The following SVOPL variants were observed in gnomAD, a reference collection of about 807,000 sequenced individuals.
SVOPL encodes SVOP like, also known as putative transporter SVOPL.
In SVOPL, 60 loss-of-function variants were observed where a neutral mutation model predicts 61.0. That is an observed-to-expected ratio of 0.98 (90% CI 0.80 to 1.22). SVOPL has a LOEUF of 1.22. Ranked by LOEUF, SVOPL falls within the 50% of genes most tolerant of loss-of-function variation. The probability of loss-of-function intolerance (pLI) is 0.00; values close to 1 mark genes in which losing one functional copy is unlikely to be tolerated. For synonymous variants in SVOPL, 279 were observed against 250.0 expected, an observed-to-expected ratio of 1.12 and a Z score of -1.09; for missense variants, 662 against 643.9, an observed-to-expected ratio of 1.03 and a Z score of -0.30.
intron 15 of SVOPL, among the ~76,000 whole-genome samples, chr7:138,596,007 G>T (rs913637635): frequency 6.6e-6 from 1 of 151,964 alleles, no homozygotes; most frequent in Admixed American, 6.6e-5. Context: ...GGCCAACATG[G>T]TGAAACCTCG....
chr7:138,674,577 C>G (rs1173319565), intron 3 of SVOPL, among the ~76,000 whole-genome samples: 1 of 151,940 alleles, frequency 6.6e-6, no homozygotes, highest in Non-Finnish European at 1.5e-5. Context: ...ACACTTGAGG[C>G]TGGGTGCGGT....
At chr7:138,654,921 T>C (rs891868403) in intron 7 of SVOPL, among the ~76,000 whole-genome samples, 1 of 150,218 alleles carries the variant, frequency 6.7e-6, no homozygotes, top group South Asian at 2.1e-4. Context: ...CTGGGTACAG[T>C]GGCTCATGCC....
At chr7:138,664,259 CCCT>C (rs1584854505) in intron 4 of SVOPL, 1 of 984,178 alleles carries the variant, frequency 1.0e-6, no homozygotes, top group East Asian at 1.2e-4. Context: ...GCGCGCCTAA[CCCT>C]CCAGCGTCCT....
intron 4 of SVOPL, among the ~76,000 whole-genome samples, chr7:138,663,983 C>A (rs1044436868): frequency 1.3e-5 from 2 of 152,080 alleles, no homozygotes; most frequent in Non-Finnish European, 2.9e-5. Flanking sequence ...ATGAAAAATT[C>A]ATCATATATA....
intron 4 of SVOPL, among the ~76,000 whole-genome samples, chr7:138,666,279 T>A (rs1224612828): frequency 6.6e-6 from 1 of 152,250 alleles, no homozygotes; most frequent in Non-Finnish European, 1.5e-5. Flanking sequence ...ATAAACTCAT[T>A]TCTCTGGAGA....
intron 10 of SVOPL, among the ~76,000 whole-genome samples, chr7:138,629,539 G>T (rs1163930376): frequency 6.6e-6 from 1 of 152,088 alleles, no homozygotes; most frequent in Non-Finnish European, 1.5e-5. Context: ...ACCGTACCCG[G>T]CCTTCTTCAT....
In SVOPL at chr7:138,662,101, T is replaced by A. The variant is rs541616231; in HGVS notation, c.345+973A>T. The A allele has an allele frequency of 4.1e-6, 4 of 985,410 alleles. No homozygotes were observed. The East Asian group carries it at 4.5e-4, about 112-fold the overall frequency. 61.0% of individuals were successfully genotyped at this position (985,410 alleles called of 1,614,324 possible). On this transcript the variant is annotated intron_variant, in intron 5 of 15. Transcript: ENST00000674285. ...CAGTTTGGGTGGCTTCTTTATAAAC[T>A]CTCTCATTTAAGAGCATGGGCTTCC... is the stretch of plus-strand genomic sequence containing the variant.
chr7:138,622,214 CTATCTATGTATCTATCTATG>C (rs1563096626), intron 13 of SVOPL, among the ~76,000 whole-genome samples: 6 of 45,450 alleles, frequency 1.3e-4, no homozygotes, highest in South Asian at 7.5e-4. Context: ...ATCTATCTAT[CTATCTATGTATCTATCTATG>C]TATCTATCTA....
intron 14 of SVOPL, among the ~76,000 whole-genome samples, chr7:138,599,485 AT>A (rs1482343883): frequency 6.6e-6 from 1 of 152,216 alleles, no homozygotes; most frequent in Non-Finnish European, 1.5e-5. Context: ...CACAAGGATG[AT>A]TGATGGCCTA....
intron 3 of SVOPL, among the ~76,000 whole-genome samples, chr7:138,676,473 G>A (rs77091268): frequency 0.19 from 29,246 of 152,056 alleles, 4,013 homozygotes; most frequent in African/African-American, 0.39. Flanking sequence ...GGGTGGAAAG[G>A]CAAACAAGCT....
chr7:138,633,871 G>C (rs573933099), intron 9 of SVOPL, among the ~76,000 whole-genome samples: 2 of 152,110 alleles, frequency 1.3e-5, no homozygotes, highest in African/African-American at 4.8e-5. Context: ...TGATGTCCTC[G>C]GCAACAAATC....
In SVOPL at chr7:138,612,428, A is replaced by T. The variant is rs1331508905; in HGVS notation, c.1353+8618T>A. Among the ~76,000 whole-genome samples, 30 of 17,734 alleles carry T rather than the reference A, an allele frequency of 1.7e-3. 5 individuals are homozygous for T. The highest frequency in any genetic ancestry group is 3.7e-3 in the Admixed American group (4 of 1,086). The allele number at this position is 17,734 out of a possible 152,430, so 11.6% of individuals were successfully genotyped here. A position where few individuals can be genotyped will look rare whatever the true frequency, so the allele number is the denominator to read the frequency against. On this transcript the variant is annotated intron_variant, in intron 14 of 15. Coordinates refer to ENST00000674285, the MANE Select transcript of SVOPL (RefSeq NM_001139456.2). ...ATTAAAAAAAAAAAAAAAAAATAAA[A>T]TAAAAAATAAAAAAAAAATAAAAAA...
Position 138,627,392 on chromosome 7 carries a change from C to A in SVOPL, c.1139G>T (p.Cys380Phe). ...RRLSLSITMG[C>F]TALFFLLLNI... ...GAGGAGAAGGAAGAATAAAGCCGTG[C>A]ATCCCATGGTAATAGAAAGGCTCAG... Residue 380 changes from cysteine (C) to phenylalanine (F), a missense_variant, in exon 12 of 16, where the codon TGC becomes TTC. Cys to Phe is a radical substitution (Grantham distance 205). Coordinates refer to ENST00000674285, the MANE Select transcript of SVOPL (RefSeq NM_001139456.2). 1.2e-6 allele frequency: 2 copies of A among 1,613,732 alleles called. No homozygotes were observed. The highest frequency in any genetic ancestry group is 1.7e-6 in the Non-Finnish European group (2 of 1,179,666).
chr7:138,661,284 T>C, intron 5 of SVOPL: 1 of 985,444 alleles, frequency 1.0e-6, no homozygotes, highest in Non-Finnish European at 1.2e-6. Flanking sequence ...TTTGAGCACG[T>C]AGCTAGTTTC....
At chr7:138,661,718 A>G (rs1802009158) in intron 5 of SVOPL, 1 of 853,460 alleles carries the variant, frequency 1.2e-6, no homozygotes, top group Admixed American at 6.2e-5. Flanking sequence ...TAACTTAGGA[A>G]GTGCCCCCAA....
At chr7:138,648,281 C>G (rs1801224800) in intron 8 of SVOPL, among the ~76,000 whole-genome samples, 1 of 152,000 alleles carries the variant, frequency 6.6e-6, no homozygotes, top group Admixed American at 6.6e-5. Flanking sequence ...GGGCTGCCCG[C>G]TGGTTGAGAC....
intron 14 of SVOPL, among the ~76,000 whole-genome samples, chr7:138,611,898 C>A (rs544830598): frequency 3.1e-4 from 9 of 29,370 alleles, no homozygotes; most frequent in Admixed American, 1.3e-3. Flanking sequence ...GGAGGTGTGC[C>A]CAACAGCTCA....
intron 4 of SVOPL, among the ~76,000 whole-genome samples, chr7:138,670,902 A>G (rs1584859788): frequency 6.6e-6 from 1 of 152,158 alleles, no homozygotes; most frequent in Non-Finnish European, 1.5e-5. Context: ...GCATTCTAAT[A>G]TATCAGGAGC....
In SVOPL at chr7:138,644,820, T is replaced by C. The variant is rs780476507; in HGVS notation, c.686A>G (p.Asn229Ser). The C allele has an allele frequency of 2.5e-5, 40 of 1,614,034 alleles. No individual in the cohort carries two copies. Among genetic ancestry groups the C allele is most frequent in the Middle Eastern group, 3.3e-4 (2 of 6,084 alleles). ...FKFIPESARF[N>S]VSTGNTRAAL... is the part of the protein sequence containing the mutation. Reference sequence around the variant, plus strand: ...AGCCCGAGTGTTCCCAGTGGAGACATTGAACCGGGCAGATTCAGGAATAAA... The same window carrying C: ...AGCCCGAGTGTTCCCAGTGGAGACACTGAACCGGGCAGATTCAGGAATAAA... The change falls in exon 9 of 16, where the codon AAT becomes AGT. Residue 229 changes from asparagine (N) to serine (S), a missense_variant. By Grantham distance (46) the Asn-to-Ser change is conservative. Coordinates refer to ENST00000674285, the MANE Select transcript of SVOPL (RefSeq NM_001139456.2).
Sources: gnomAD v4.1 joint callset for allele counts (sites outside exome capture counted in the v4.1 genomes callset) on GRCh38, gnomAD v4.1.1 for gene constraint, MANE v1.5 for transcripts, NCBI Gene and HGNC (gene_info 2026-07-23, HGNC 2026-07-21) for gene names.